LRP1B: variants seen among roughly 807,000 people sequenced by gnomAD.
LRP1B encodes low-density lipoprotein receptor-related protein 1B.
LRP1B carries 217 observed loss-of-function variants against 556.6 expected under a neutral mutation model. The ratio of observed to expected loss-of-function variants is 0.39; its 90% confidence interval spans 0.35 to 0.44. The LOEUF is 0.44. Ranked by LOEUF, LRP1B falls within the 20% of genes least tolerant of loss-of-function variation. LRP1B has a pLI of 1.00. For missense variants in LRP1B, 5,053 were observed against 5,620.8 expected (o/e 0.90, Z 3.23); for synonymous variants, 2,047 against 1,865.8 (o/e 1.10, Z -2.50).
chr2:140,368,520 A>G (rs12997262), intron 71 of LRP1B, among the ~76,000 whole-genome samples: 20,799 of 151,886 alleles, frequency 0.14, 1,537 homozygotes, highest in African/African-American at 0.19. Context: ...GCTCAGGCCA[A>G]AACAAGCACC....
intron 11 of LRP1B, among the ~76,000 whole-genome samples, chr2:141,022,548 T>C (rs1048260172): frequency 6.6e-6 from 1 of 151,960 alleles, no homozygotes; most frequent in African/African-American, 2.4e-5. Context: ...ATGGAACAGT[T>C]AGACATATAG....
intron 55 of LRP1B, among the ~76,000 whole-genome samples, chr2:140,500,926 T>A (rs1395494564): frequency 6.6e-6 from 1 of 152,000 alleles, no homozygotes; most frequent in Admixed American, 6.6e-5. Flanking sequence ...TGAAGATTCA[T>A]ACAGAGTTGT....
At chr2:141,712,205 G>A (rs1323152551) in intron 2 of LRP1B, among the ~76,000 whole-genome samples, 2 of 151,812 alleles carry the variant, frequency 1.3e-5, no homozygotes, top group Non-Finnish European at 2.9e-5. Context: ...AATGCCAATT[G>A]GAACTCAGAA....
At chr2:140,701,654 T>A (rs1296952155) in intron 40 of LRP1B, 67 bp downstream of exon 40, 13 of 1,473,738 alleles carry the variant, frequency 8.8e-6, no homozygotes, top group Non-Finnish European at 1.2e-5. Context: ...AGTTTGACAA[T>A]GTTTTTAAAA....
In LRP1B at chr2:140,935,339, C is replaced by A. The variant is rs75159501; in HGVS notation, c.3137-12192G>T. Among the ~76,000 whole-genome samples, 955 of 152,012 alleles carry A rather than the reference C, an allele frequency of 6.3e-3. 7 individuals are homozygous for A. The highest frequency in any genetic ancestry group is 0.02 in the African/African-American group (813 of 41,488). ...AAGATATTTTGATATCTTTAAAGAGCTAAGCCTAAAAAGAAAATGAAAAGC... is the reference window on the plus strand; with the variant it reads ...AAGATATTTTGATATCTTTAAAGAGATAAGCCTAAAAAGAAAATGAAAAGC... On this transcript the variant is annotated intron_variant, in intron 20 of 90. Transcript: ENST00000389484.
intron 3 of LRP1B, among the ~76,000 whole-genome samples, chr2:141,283,951 A>G (rs989344611): frequency 1.3e-5 from 2 of 152,144 alleles, no homozygotes; most frequent in African/African-American, 4.8e-5. Context: ...GTTTGCTTAT[A>G]CTTTTTCTTG....
In LRP1B at chr2:141,083,443, A is replaced by G. The variant is rs1169295163; in HGVS notation, c.1014-21170T>C. Among the ~76,000 whole-genome samples the G allele has an allele frequency of 2.6e-5, 4 of 152,198 alleles. No homozygotes were observed. The East Asian group carries it at 7.7e-4, about 29-fold the overall frequency. On this transcript the variant is annotated intron_variant, in intron 7 of 90. Transcript: ENST00000389484. Reference sequence around the variant, plus strand: ...AATAGCACAGTACTAAATAAGATAAAGTTTTTACTTTACCCTAAGAGATGC... The same window carrying G: ...AATAGCACAGTACTAAATAAGATAAGGTTTTTACTTTACCCTAAGAGATGC...
intron 41 of LRP1B, among the ~76,000 whole-genome samples, chr2:140,660,737 T>G (rs549807147): frequency 2.1e-4 from 32 of 152,260 alleles, no homozygotes; most frequent in African/African-American, 7.2e-4. Context: ...TCCAACAGCT[T>G]TCAAAGAAAG....
At chr2:140,900,320 G>A (rs549418265) in intron 23 of LRP1B, among the ~76,000 whole-genome samples, 18 of 152,302 alleles carry the variant, frequency 1.2e-4, no homozygotes, top group South Asian at 2.1e-4. Flanking sequence ...TGTGAAATAT[G>A]ATCACAAATG....
chr2:141,434,626 C>T (rs984312772), intron 3 of LRP1B, among the ~76,000 whole-genome samples: 20 of 151,956 alleles, frequency 1.3e-4, no homozygotes, highest in African/African-American at 4.3e-4. Context: ...ATAATTTTTC[C>T]TTGTATTTGT....
intron 2 of LRP1B, among the ~76,000 whole-genome samples, chr2:141,679,478 A>G (rs1006107910): frequency 9.2e-5 from 14 of 152,214 alleles, no homozygotes; most frequent in African/African-American, 3.4e-4. Flanking sequence ...TATATGGAAA[A>G]TAAAAACATA....
chr2:141,218,307 T>C (rs149592731), intron 6 of LRP1B, among the ~76,000 whole-genome samples: 47 of 152,152 alleles, frequency 3.1e-4, no homozygotes, highest in African/African-American at 1.1e-3. Context: ...GGAAAACAAA[T>C]CATTCCACCA....
At position 141,529,076 on chromosome 2, in the gene LRP1B, G is replaced by T. The variant is rs570940945; in HGVS notation, c.206-48543C>A. ...TATTAGTGTCCGACACTTTTTACCT[G>T]AAACATGTTTGGCAACATTGACCGT... On this transcript the variant is annotated intron_variant, in intron 2 of 90. Transcript: ENST00000389484. Among the ~76,000 whole-genome samples the T allele has an allele frequency of 2.6e-5, 4 of 152,254 alleles. No homozygotes were observed. In the South Asian group the frequency reaches 8.3e-4, roughly 32 times the overall value.
chr2:140,595,090 A>ATATCTATC (rs1207265838), intron 43 of LRP1B, among the ~76,000 whole-genome samples: 19 of 3,334 alleles, frequency 5.7e-3, no homozygotes, highest in African/African-American at 0.014. Flanking sequence ...TAAATTGAAT[A>ATATCTATC]TATATATATA....
At chr2:140,915,573 AC>A (rs1479356197) in intron 21 of LRP1B, among the ~76,000 whole-genome samples, 1 of 151,424 alleles carries the variant, frequency 6.6e-6, no homozygotes, top group Non-Finnish European at 1.5e-5. Flanking sequence ...TATTGCTTGA[AC>A]CTGGGGGTTG....
chr2:140,636,394 C>T (rs1178811375), intron 41 of LRP1B, among the ~76,000 whole-genome samples: 1 of 151,962 alleles, frequency 6.6e-6, no homozygotes, highest in Non-Finnish European at 1.5e-5. Context: ...TAAAGCATGG[C>T]CAAAATAACT....
rs185548174 is a variant in LRP1B at position 141,526,490 on chromosome 2, G to A, written c.206-45957C>T. ...TTACTCTTTGATTCCACGTTGAAAA[G>A]AGAATAATTACACTATTCTCCTATA... On this transcript the variant is annotated intron_variant, in intron 2 of 90. Coordinates refer to ENST00000389484, the MANE Select transcript of LRP1B (RefSeq NM_018557.3). Among the ~76,000 whole-genome samples the A allele has an allele frequency of 1.8e-4, 27 of 152,172 alleles. No individual in the cohort carries two copies. In the East Asian group the frequency reaches 5.2e-3, roughly 29 times the overall value.
At chr2:141,500,870 A>G (rs1683688200) in intron 2 of LRP1B, among the ~76,000 whole-genome samples, 2 of 152,142 alleles carry the variant, frequency 1.3e-5, no homozygotes, top group African/African-American at 2.4e-5. Context: ...GAAATAAACA[A>G]GATCATTGCC....
At chr2:140,519,244 T>G (rs192686955) in intron 49 of LRP1B, among the ~76,000 whole-genome samples, 143 of 152,300 alleles carry the variant, frequency 9.4e-4, no homozygotes, top group African/African-American at 3.0e-3. Context: ...AACAGCATGA[T>G]ACTGGTAACA....
Sources: allele counts gnomAD v4.1 joint callset (sites outside exome capture counted in the v4.1 genomes callset), GRCh38; gene constraint gnomAD v4.1.1; transcripts MANE v1.5; gene names NCBI Gene and HGNC (gene_info 2026-07-23, HGNC 2026-07-21).